Variants in SOX6 observed in about 807,000 individuals in gnomAD.
SOX6 encodes the protein transcription factor SOX-6.
SOX6 carries 11 observed loss-of-function variants against 97.8 expected under a neutral mutation model. That is an observed-to-expected ratio of 0.11 (90% CI 0.07 to 0.19). The LOEUF (loss-of-function observed/expected upper bound fraction) is 0.19. SOX6 is among the 10% of genes least tolerant of loss of function. SOX6 has a pLI of 1.00. For synonymous variants in SOX6, 360 were observed against 371.4 expected (o/e 0.97, Z 0.35); for missense variants, 810 against 1,039.5 (o/e 0.78, Z 3.04).
chr11:16,716,002 G>A (rs1848217206), intron 2 of SOX6, among the ~76,000 whole-genome samples: 1 of 152,112 alleles, frequency 6.6e-6, no homozygotes, highest in South Asian at 2.1e-4. Context: ...GGAAAGCCGA[G>A]GTGGGAGGAT....
chr11:16,654,671 T>A (rs1282516644), intron 3 of SOX6, among the ~76,000 whole-genome samples: 1 of 152,200 alleles, frequency 6.6e-6, no homozygotes, highest in Non-Finnish European at 1.5e-5. Context: ...AAAAATTAAT[T>A]TAAGAAATTT....
intron 1 of SOX6, among the ~76,000 whole-genome samples, chr11:16,348,295 G>A (rs567370191): frequency 1.3e-5 from 2 of 152,086 alleles, no homozygotes; most frequent in African/African-American, 2.4e-5. Context: ...ACAGCTTAGT[G>A]AATATAAAAT....
intron 6 of SOX6, among the ~76,000 whole-genome samples, chr11:16,174,747 CAAG>C (rs1851138636): frequency 6.6e-6 from 1 of 151,830 alleles, no homozygotes; most frequent in Admixed American, 6.6e-5. Flanking sequence ...TTATTTTCAG[CAAG>C]AAGGACTTTT....
chr11:16,413,713 G>T (rs1858870425), intron 1 of SOX6, among the ~76,000 whole-genome samples: 1 of 151,324 alleles, frequency 6.6e-6, no homozygotes, highest in South Asian at 2.1e-4. Context: ...TGGAGACGGG[G>T]TTTCACCATG....
chr11:15,976,026 A>C (rs1853471065), intron 15 of SOX6, among the ~76,000 whole-genome samples: 2 of 152,114 alleles, frequency 1.3e-5, no homozygotes, highest in South Asian at 4.1e-4. Context: ...GAGTGGAGAG[A>C]TATATATGGC....
chr11:16,721,599 TTCCC>T (rs1158024655), intron 2 of SOX6, among the ~76,000 whole-genome samples: 8 of 26,066 alleles, frequency 3.1e-4, no homozygotes, highest in Non-Finnish European at 4.0e-4. Flanking sequence ...TCTCTCTCTC[TTCCC>T]TCCCTCCCTC....
chr11:16,237,167 T>C (rs1853049028), intron 3 of SOX6, among the ~76,000 whole-genome samples: 1 of 151,966 alleles, frequency 6.6e-6, no homozygotes, highest in South Asian at 2.1e-4. Context: ...GAAAGTCTCT[T>C]GACAAATGAC....
intron 3 of SOX6, among the ~76,000 whole-genome samples, chr11:16,306,656 C>T (rs1855449000): frequency 8.2e-6 from 1 of 122,604 alleles, no homozygotes; most frequent in Admixed American, 1.1e-4. Context: ...GACAGATTCT[C>T]GCTCTGTCAC....
In SOX6 at chr11:16,207,192, A is replaced by T. The variant is rs537851719; in HGVS notation, c.536-20237T>A. 9.7e-4 allele frequency among the ~76,000 whole-genome samples: 148 copies of T among 152,292 alleles called. 1 individual carries two copies. The highest frequency in any genetic ancestry group is 7.0e-3 in the South Asian group (34 of 4,824). ...ACCCATCTTTCCAACTGTTAGTACT[A>T]TTTTAAAAGTGAGAAATTAAGAAGA... is the stretch of plus-strand genomic sequence containing the variant. On this transcript the variant is annotated intron_variant, in intron 4 of 15. Coordinates refer to ENST00000683767, the MANE Select transcript of SOX6 (RefSeq NM_001367873.1).
intron 7 of SOX6, among the ~76,000 whole-genome samples, chr11:16,103,264 A>T (rs1169409478): frequency 6.6e-6 from 1 of 152,018 alleles, no homozygotes; most frequent in South Asian, 2.1e-4. Flanking sequence ...CAATGATCAT[A>T]TAAAAAAAAG....
At chr11:16,014,629 T>C (rs955019167) in intron 13 of SOX6, among the ~76,000 whole-genome samples, 1 of 152,098 alleles carries the variant, frequency 6.6e-6, no homozygotes, top group Non-Finnish European at 1.5e-5. Context: ...TGCAGTGAGA[T>C]GGATGAAACA....
chr11:16,624,210 A>C (rs1490410259), intron 3 of SOX6, among the ~76,000 whole-genome samples: 1 of 20,172 alleles, frequency 5.0e-5, no homozygotes, highest in Non-Finnish European at 1.5e-4. Flanking sequence ...ATTTATTGAG[A>C]TGGAGTCTTG....
intron 1 of SOX6, among the ~76,000 whole-genome samples, chr11:16,354,288 A>G (rs1295176834): frequency 1.3e-5 from 2 of 152,026 alleles, no homozygotes; most frequent in East Asian, 3.9e-4. Context: ...TCTTTAAAGA[A>G]AACTTGACAG....
chr11:16,715,431 G>T (rs1848213250), intron 2 of SOX6, among the ~76,000 whole-genome samples: 1 of 151,986 alleles, frequency 6.6e-6, no homozygotes, highest in African/African-American at 2.4e-5. Flanking sequence ...GAATAGCATT[G>T]TCTTGCTATA....
chr11:16,433,659 C>A (rs189537843), intron 1 of SOX6, among the ~76,000 whole-genome samples: 1 of 151,878 alleles, frequency 6.6e-6, no homozygotes, highest in African/African-American at 2.4e-5. Context: ...TAACCCATCC[C>A]TCAAACTCAG....
chr11:16,014,475 T>A (rs1854823369), intron 13 of SOX6, among the ~76,000 whole-genome samples: 1 of 152,106 alleles, frequency 6.6e-6, no homozygotes, highest in Non-Finnish European at 1.5e-5. Flanking sequence ...ATATGCTAAA[T>A]ATTCTGATTT....
rs954021041 is a variant in SOX6, at chr11:16,670,726, G to A, written n.429+44104C>T. On this transcript the variant is annotated intron_variant and non_coding_transcript_variant, in intron 3 of 5. Coordinates refer to the SOX6 transcript ENST00000524520. ...GCATTTCTCTGGGGTGAAGCCCTCCGAAGACAAACAAAAGACCCTTGGCCA... is the reference window on the plus strand; with the variant it reads ...GCATTTCTCTGGGGTGAAGCCCTCCAAAGACAAACAAAAGACCCTTGGCCA... Among the ~76,000 whole-genome samples, 37 of 152,204 alleles carry A rather than the reference G, an allele frequency of 2.4e-4. 1 individual carries two copies. Among genetic ancestry groups the A allele is most frequent in the Admixed American group, 1.0e-3 (16 of 15,288 alleles).
At chr11:16,231,686 CT>C (rs1479288902) in intron 4 of SOX6, among the ~76,000 whole-genome samples, 4 of 151,686 alleles carry the variant, frequency 2.6e-5, no homozygotes, top group Non-Finnish European at 1.5e-5. Context: ...AAAATGTTTT[CT>C]GTTTTCAAAA....
At position 16,589,396 on chromosome 11, in the gene SOX6, G is replaced by A. The variant is rs1271762521; in HGVS notation, n.609+22685C>T. Among the ~76,000 whole-genome samples the A allele has an allele frequency of 6.6e-5, 10 of 152,130 alleles. No individual in the cohort carries two copies. The East Asian group carries it at 1.9e-3, about 29-fold the overall frequency. On this transcript the variant is annotated intron_variant and non_coding_transcript_variant, in intron 4 of 5. Transcript: ENST00000524520. ...TAATGTGCAACATCCAATATCAGAAGTATCCTGGGTAAAGAAAAGAGAATG... is the reference window on the plus strand; with the variant it reads ...TAATGTGCAACATCCAATATCAGAAATATCCTGGGTAAAGAAAAGAGAATG...
Sources: gnomAD v4.1 joint callset for allele counts (sites outside exome capture counted in the v4.1 genomes callset) on GRCh38, gnomAD v4.1.1 for gene constraint, MANE v1.5 for transcripts, NCBI Gene and HGNC (gene_info 2026-07-23, HGNC 2026-07-21) for gene names.